Variants in ABLIM2 observed in about 807,000 individuals in gnomAD.
ABLIM2 encodes actin binding LIM protein family member 2.
In ABLIM2, 53 loss-of-function variants were observed where a neutral mutation model predicts 97.7. The ratio of observed to expected loss-of-function variants is 0.54; its 90% CI spans 0.44 to 0.68. The LOEUF (loss-of-function observed/expected upper bound fraction) is 0.68. ABLIM2 is among the 30% of genes least tolerant of loss of function. ABLIM2 has a pLI of 0.00. For missense variants in ABLIM2, 835 were observed against 867.2 expected (o/e 0.96, Z 0.47); for synonymous variants, 361 against 345.8 (o/e 1.04, Z -0.49).
At chr4:8,073,646 T>A (rs561468796) in intron 6 of ABLIM2, among the ~76,000 whole-genome samples, 13 of 151,800 alleles carry the variant, frequency 8.6e-5, no homozygotes, top group African/African-American at 3.1e-4. Flanking sequence ...ATATCAGATA[T>A]GATCGCCACC....
intron 16 of ABLIM2, chr4:8,007,197 A>G: frequency 1.0e-6 from 1 of 985,252 alleles, no homozygotes; most frequent in Non-Finnish European, 1.2e-6. Context: ...TTTACTGAGC[A>G]GCTACTATGG....
rs572389762 is a variant in ABLIM2 at position 7,966,932 on chromosome 4, C to A, written c.*58G>T. The A allele has an allele frequency of 6.4e-6, 7 of 1,089,216 alleles. No individual in the cohort carries two copies. Among genetic ancestry groups the A allele is most frequent in the Non-Finnish European group, 8.9e-6 (7 of 790,492 alleles). The allele number at this position is 1,089,216 out of a possible 1,614,324, so 67.5% of individuals were successfully genotyped here. On this transcript the variant is annotated 3_prime_UTR_variant, in exon 21 of 21. Transcript: ENST00000447017. ...GTGTGGGAGGGGTGTGTGCGGTTCT[C>A]GCCAGGGGCCCCTGGCCTCGGCGCC...
chr4:8,158,737 ACCCTCGGGCCCG>A lies in ABLIM2; in HGVS notation c.-60_-49del. 7.2e-7 allele frequency: 1 copy of A among 1,391,486 alleles called. No individual in the cohort carries two copies. Among genetic ancestry groups the A allele is most frequent in the Non-Finnish European group, 9.3e-7 (1 of 1,072,140 alleles). 86.2% of individuals were successfully genotyped at this position (1,391,486 alleles called of 1,614,324 possible). On this transcript the variant is annotated 5_prime_UTR_variant, in exon 1 of 21. Transcript: ENST00000447017. ...GGCGGCCCGGCGCTGCGACAGCCAG[ACCCTCGGGCCCG>A]CAGGTGCCGCGCCCGCGCTATCCTC...
At chr4:8,109,293 A>T (rs1263214178) in intron 1 of ABLIM2, among the ~76,000 whole-genome samples, 2 of 152,230 alleles carry the variant, frequency 1.3e-5, no homozygotes, top group South Asian at 4.1e-4. Context: ...AGTCGAAACC[A>T]CAGGTGGGCC....
intron 18 of ABLIM2, among the ~76,000 whole-genome samples, chr4:7,984,444 C>T (rs756373668): frequency 6.6e-6 from 1 of 152,252 alleles, no homozygotes; most frequent in African/African-American, 2.4e-5. Flanking sequence ...AGTAGCCCTG[C>T]TGAACCCGGA....
intron 1 of ABLIM2, among the ~76,000 whole-genome samples, chr4:8,115,037 C>T (rs1422836114): frequency 6.6e-6 from 1 of 152,224 alleles, no homozygotes; most frequent in African/African-American, 2.4e-5. Flanking sequence ...AGTCCTTGAC[C>T]TGCCCATGGC....
At chr4:8,142,731 T>C (rs1851185504) in intron 1 of ABLIM2, among the ~76,000 whole-genome samples, 1 of 152,208 alleles carries the variant, frequency 6.6e-6, no homozygotes, top group Admixed American at 6.5e-5. Context: ...TGGCCCTCAC[T>C]CTTCCCCTGC....
rs1480923787 is a variant in ABLIM2, at chr4:8,091,350, TAATTA to T, written c.339-3071_339-3067del. Among the ~76,000 whole-genome samples the T allele has an allele frequency of 2.4e-3, 38 of 16,012 alleles. 5 individuals carry two copies. The highest frequency in any genetic ancestry group is 3.4e-3 in the Non-Finnish European group (25 of 7,298). 10.5% of individuals were successfully genotyped at this position (16,012 alleles called of 152,430 possible). On this transcript the variant is annotated intron_variant, in intron 3 of 20. Transcript: ENST00000447017. ...ATATATTATATATATAATATATATA[TAATTA>T]TATATATATTATATTACATATAATT...
At chr4:8,050,507 A>G (rs1795284460) in intron 8 of ABLIM2, among the ~76,000 whole-genome samples, 1 of 152,138 alleles carries the variant, frequency 6.6e-6, no homozygotes, top group African/African-American at 2.4e-5. Flanking sequence ...AGGAGCTGGC[A>G]CAGAGGGGCT....
intron 2 of ABLIM2, among the ~76,000 whole-genome samples, chr4:8,105,811 A>G (rs1354945896): frequency 6.6e-6 from 1 of 152,196 alleles, no homozygotes; most frequent in Non-Finnish European, 1.5e-5. Flanking sequence ...TGCTATTTTT[A>G]ATCTATTTTT....
intron 12 of ABLIM2, among the ~76,000 whole-genome samples, chr4:8,025,315 G>A (rs1282644326): frequency 2.6e-5 from 4 of 152,216 alleles, no homozygotes; most frequent in Middle Eastern, 3.2e-3. Context: ...CAAAAACCTG[G>A]CCCCACCCAG....
intron 12 of ABLIM2, among the ~76,000 whole-genome samples, chr4:8,027,160 C>G (rs1466264547): frequency 6.6e-6 from 1 of 152,180 alleles, no homozygotes; most frequent in Non-Finnish European, 1.5e-5. Flanking sequence ...AATTAGGGCT[C>G]TATGAATGTG....
intron 20 of ABLIM2, among the ~76,000 whole-genome samples, chr4:7,982,535 G>A (rs775846675): frequency 1.1e-4 from 17 of 152,214 alleles, no homozygotes; most frequent in Non-Finnish European, 2.4e-4. Context: ...TCAACAGATC[G>A]TATTCAAACA....
At position 8,032,606 on chromosome 4, in the gene ABLIM2, A is replaced by G. The variant is rs371915850; in HGVS notation, c.1048-2830T>C. On this transcript the variant is annotated intron_variant, in intron 10 of 20. Transcript: ENST00000447017. The surrounding 1 kb of genome is among the most constrained non-coding windows in gnomAD (Gnocchi z 4.3). ...TGGTTATGTTTATAACCCAGGCAGC[A>G]GCGCCACGGCAAGCGGGGACAGGCG... 6.2e-7 allele frequency: 1 copy of G among 1,611,678 alleles called. No individual in the cohort carries two copies. Among genetic ancestry groups the G allele is most frequent in the African/African-American group, 1.3e-5 (1 of 74,898 alleles).
At chr4:8,014,456 AAG>A (rs1281729331) in intron 14 of ABLIM2, among the ~76,000 whole-genome samples, 1 of 152,150 alleles carries the variant, frequency 6.6e-6, no homozygotes, top group Non-Finnish European at 1.5e-5. Context: ...CATTGAGAGG[AAG>A]AGAGAGAGGC....
intron 20 of ABLIM2, among the ~76,000 whole-genome samples, chr4:7,981,127 T>C (rs937409207): frequency 4.0e-5 from 6 of 151,642 alleles, no homozygotes; most frequent in African/African-American, 1.5e-4. Context: ...GTATTTTTAG[T>C]AGAGATGGGG....
At chr4:8,145,482 C>T (rs1450509060) in intron 1 of ABLIM2, among the ~76,000 whole-genome samples, 3 of 152,110 alleles carry the variant, frequency 2.0e-5, no homozygotes, top group East Asian at 1.9e-4. Context: ...CCGCGCCCGG[C>T]CAGGTATTGA....
Position 8,045,204 on chromosome 4 carries a change from G to A in ABLIM2, c.860C>T (p.Pro287Leu). 2 of 1,614,004 alleles carry A rather than the reference G, an allele frequency of 1.2e-6. No homozygotes were observed. Among genetic ancestry groups the A allele is most frequent in the Non-Finnish European group, 1.7e-6 (2 of 1,179,856 alleles). ...RTSSESIISV[P>L]ASSTSGSPSR... is the part of the protein sequence containing the mutation. ...CGGAGACCCTGAGGTGCTGGAAGCA[G>A]GGACAGAAATGATGCTCTCTGAGGA... Residue 287 changes from proline (P) to leucine (L), a missense_variant, in exon 9 of 21, where the codon CCT becomes CTT. Physicochemically the swap from Pro to Leu is moderately conservative, Grantham distance 98. Transcript: ENST00000447017.
At position 8,097,201 on chromosome 4, in the gene ABLIM2, T is replaced by A. The variant is rs766779098; in HGVS notation, c.236A>T (p.Tyr79Phe). ...GTCGCAGCTGAAGCAGCGGGTGCCG[T>A]AGAGCCTCTGGTAGTCCAGCGTGCA... ...YICTLDYQRL[Y>F]GTRCFSCDQF... is the part of the protein sequence containing the mutation. The change falls in exon 3 of 21, where the codon TAC (tyrosine) becomes TTC (phenylalanine). Residue 79 changes from tyrosine (Y) to phenylalanine (F), a missense_variant. Tyr to Phe is a conservative substitution (Grantham distance 22). Coordinates refer to ENST00000447017, the MANE Select transcript of ABLIM2 (RefSeq NM_001130083.2). 5 of 1,594,500 alleles carry A rather than the reference T, an allele frequency of 3.1e-6. No individual in the cohort carries two copies. In the Admixed American group the frequency reaches 5.2e-5, roughly 17 times the overall value.
Sources: allele counts gnomAD v4.1 joint callset (sites outside exome capture counted in the v4.1 genomes callset), GRCh38; gene constraint gnomAD v4.1.1; non-coding constraint Gnocchi (gnomAD v3.1); transcripts MANE v1.5; gene names NCBI Gene and HGNC (gene_info 2026-07-23, HGNC 2026-07-21).